The following ITIH4 variants were observed in gnomAD, a reference collection of about 807,000 sequenced individuals.
ITIH4 encodes the protein inter-alpha-trypsin inhibitor heavy chain 4, also known as inter-alpha-trypsin inhibitor heavy chain H4.
Under a neutral mutation model 111.8 loss-of-function variants are expected in ITIH4, and 79 were observed. That is an observed-to-expected ratio of 0.71 (90% CI 0.59 to 0.85). The LOEUF (loss-of-function observed/expected upper bound fraction) is 0.85, where lower values mean the gene tolerates loss of function less well. Among genes scored for constraint, ITIH4 ranks in the 40% least tolerant of loss-of-function variants. ITIH4 has a pLI of 0.00. For missense variants in ITIH4, 1,065 were observed against 1,195.8 expected, an observed-to-expected ratio of 0.89 and a Z score of 1.61; for synonymous variants, 472 against 468.3, an observed-to-expected ratio of 1.01 and a Z score of -0.10.
At chr3:52,817,558 T>C (rs1480252017) in intron 20 of ITIH4, among the ~76,000 whole-genome samples, 1 of 152,106 alleles carries the variant, frequency 6.6e-6, no homozygotes, top group African/African-American at 2.4e-5. Context: ...GTGGAGTGTG[T>C]CCCCATGTCT....
intron 15 of ITIH4, 62 bp downstream of exon 15, chr3:52,819,878 T>C (rs112166855): frequency 6.2e-7 from 1 of 1,605,164 alleles, no homozygotes; most frequent in Non-Finnish European, 8.5e-7. Flanking sequence ...GGCACTACCC[T>C]CCACAGCCAG....
chr3:52,823,770 G>C (rs766333587), intron 10 of ITIH4, 29 bp from the exon 11 acceptor site: 4 of 1,613,702 alleles, frequency 2.5e-6, no homozygotes, highest in Non-Finnish European at 3.4e-6. Context: ...CATAAAGGCT[G>C]GGCTTTATGA....
Position 52,824,491 on chromosome 3 carries a change from T to C in ITIH4, c.951A>G (p.Thr317=). 3 of 1,614,172 alleles carry C rather than the reference T, an allele frequency of 1.9e-6. No individual in the cohort carries two copies. Among genetic ancestry groups the C allele is most frequent in the Non-Finnish European group, 2.5e-6 (3 of 1,180,038 alleles). Reference sequence around the variant, plus strand: ...GTGATGGCCTCCACTGAGTTGCTTCTGTACTGAAGACGATGAGGTTGAACT... The same window carrying C: ...GTGATGGCCTCCACTGAGTTGCTTCCGTACTGAAGACGATGAGGTTGAACT... ...RDQFNLIVFS[T]EATQWRPSLV... is the part of the protein sequence containing the mutation. The change falls in exon 8 of 24, where the codon ACA becomes ACG. Residue 317 remains threonine (T), a synonymous_variant. Coordinates refer to ENST00000266041, the MANE Select transcript of ITIH4 (RefSeq NM_002218.5). This position sits in a 1 kb window ranked among gnomAD's most constrained non-coding sequence, Gnocchi z 4.3.
rs771808728 is a variant in ITIH4 at position 52,823,867 on chromosome 3, C to A, written c.1309G>T (p.Ala437Ser). The change falls in exon 10 of 24, where the codon GCC becomes TCC. Residue 437 changes from alanine (A) to serine (S), a missense_variant. Transcript: ENST00000266041. ...TCTGAGTCCTCATGGATGCGCCGGGCCAGGCCGCCATTGTCCAGTGCCAGC... is the reference window on the plus strand; with the variant it reads ...TCTGAGTCCTCATGGATGCGCCGGGACAGGCCGCCATTGTCCAGTGCCAGC... ...EKLALDNGGL[A>S]RRIHEDSDSA... 4 of 1,613,788 alleles carry A rather than the reference C, an allele frequency of 2.5e-6. No individual in the cohort carries two copies. In the South Asian group the frequency reaches 4.4e-5, roughly 18 times the overall value.
At chr3:52,828,924 G>A (rs551698563) in intron 2 of ITIH4, among the ~76,000 whole-genome samples, 195 bp downstream of exon 2, 6 of 152,298 alleles carry the variant, frequency 3.9e-5, no homozygotes, top group African/African-American at 1.4e-4. Flanking sequence ...GCTGGATGGA[G>A]GGAAGGACGG....
chr3:52,822,935 G>A (rs1369705394), intron 11 of ITIH4, among the ~76,000 whole-genome samples: 1 of 152,098 alleles, frequency 6.6e-6, no homozygotes, highest in Non-Finnish European at 1.5e-5. Flanking sequence ...CTGCTCTCCT[G>A]AGTCCAGGGT....
chr3:52,813,234 C>T lies in ITIH4; in HGVS notation c.*187G>A, dbSNP rs556649439. The T allele has an allele frequency of 9.5e-4, 583 of 611,892 alleles. No homozygotes were observed. Among genetic ancestry groups the T allele is most frequent in the Middle Eastern group, 4.1e-3 (9 of 2,222 alleles). 37.9% of individuals were successfully genotyped at this position (611,892 alleles called of 1,614,324 possible). A position where few individuals can be genotyped will look rare whatever the true frequency, so the allele number is the denominator to read the frequency against. On this transcript the variant is annotated 3_prime_UTR_variant, in exon 24 of 24. Coordinates refer to ENST00000266041, the MANE Select transcript of ITIH4 (RefSeq NM_002218.5). ...TTCCACGATGCTAAGGTTCAGGATGCGAGGTTGAGGCCCTAGGATTTGGCC... is the reference window on the plus strand; with the variant it reads ...TTCCACGATGCTAAGGTTCAGGATGTGAGGTTGAGGCCCTAGGATTTGGCC...
intron 4 of ITIH4, 60 bp downstream of exon 4, chr3:52,826,731 C>G: frequency 6.2e-7 from 1 of 1,609,338 alleles, no homozygotes; most frequent in Non-Finnish European, 8.5e-7. Flanking sequence ...AAAGAGGGGC[C>G]GCCCTCAGCA....
Position 52,823,985 on chromosome 3 carries a change from G to A in ITIH4, c.1191C>T (p.Ser397=). ...DPTVGETNPR[S]IQNNVREAVS... The stretch of plus-strand genomic sequence containing the variant: ...CAGCTTCCCGCACGTTATTCTGGAT[G>A]CTCCTGGGGTTAGTCTCCCCTGGAC... Residue 397 remains serine (S), a synonymous_variant, in exon 10 of 24, where the codon AGC becomes AGT. Transcript: ENST00000266041. 1 of 1,571,708 alleles carries A rather than the reference G, an allele frequency of 6.4e-7. No homozygotes were observed. The highest frequency in any genetic ancestry group is 8.6e-7 in the Non-Finnish European group (1 of 1,160,312).
Position 52,825,429 on chromosome 3 carries a change from T to TG in ITIH4, c.759+456dup, listed in dbSNP as rs1475830974. The stretch of plus-strand genomic sequence containing the variant: ...CCAGCCTGGGCAACCTTGTCTCTAC[T>TG]GGAAAAAAAAAAAAAAAAATTAGCC... On this transcript the variant is annotated intron_variant, in intron 6 of 23. Transcript: ENST00000266041. The TG allele has an allele frequency of 1.2e-3, 133 of 112,544 alleles. 1 individual carries two copies. Among genetic ancestry groups the TG allele is most frequent in the Non-Finnish European group, 1.5e-3 (88 of 57,594 alleles). The allele number at this position is 112,544 out of a possible 1,614,324, so 7.0% of individuals were successfully genotyped here. A position where few individuals can be genotyped will look rare whatever the true frequency, so the allele number is the denominator to read the frequency against.
intron 13 of ITIH4, 128 bp from the exon 14 acceptor site, chr3:52,820,445 G>C: frequency 8.3e-7 from 1 of 1,202,386 alleles, no homozygotes; most frequent in Non-Finnish European, 1.2e-6. Context: ...TATATCGTAG[G>C]TGCAATGAAT....
rs759224523 is a variant in ITIH4 at position 52,824,496 on chromosome 3, T to A, written c.946A>T (p.Ser316Cys). ...PRDQFNLIVFSTEATQWRPSL... is the reference protein window; with the variant it reads ...PRDQFNLIVFCTEATQWRPSL... ...GGCCTCCACTGAGTTGCTTCTGTACTGAAGACGATGAGGTTGAACTGGTCT... is the reference window on the plus strand; with the variant it reads ...GGCCTCCACTGAGTTGCTTCTGTACAGAAGACGATGAGGTTGAACTGGTCT... Residue 316 changes from serine (S) to cysteine (C), a missense_variant, in exon 8 of 24, where the codon AGT becomes TGT. Coordinates refer to ENST00000266041, the MANE Select transcript of ITIH4 (RefSeq NM_002218.5). This position sits in a 1 kb window ranked among gnomAD's most constrained non-coding sequence, Gnocchi z 4.3. 1.2e-6 allele frequency: 2 copies of A among 1,614,160 alleles called. No individual in the cohort carries two copies. The highest frequency in any genetic ancestry group is 1.7e-6 in the Non-Finnish European group (2 of 1,180,030).
intron 16 of ITIH4, 24 bp from the exon 17 acceptor site, chr3:52,819,542 G>A (rs199776932): frequency 1.1e-4 from 171 of 1,613,866 alleles, no homozygotes; most frequent in Non-Finnish European, 1.3e-4. Flanking sequence ...GACAGATGCA[G>A]TCTTCTCTCA....
chr3:52,828,462 C>T (rs1004884641), intron 2 of ITIH4, among the ~76,000 whole-genome samples: 4 of 152,346 alleles, frequency 2.6e-5, no homozygotes, highest in South Asian at 4.1e-4. Flanking sequence ...GCCCCACCAT[C>T]GCCCTGTTTC....
chr3:52,829,311 G>A, intron 1 of ITIH4, 32 bp from the exon 2 acceptor site: 1 of 1,583,154 alleles, frequency 6.3e-7, no homozygotes, highest in Non-Finnish European at 8.6e-7. Flanking sequence ...GGGTTGCAGG[G>A]TTTCAATGCC....
Position 52,820,311 on chromosome 3 carries a change from C to G in ITIH4, c.1841G>C (p.Arg614Thr), listed in dbSNP as rs1420222582. 1 of 1,613,938 alleles carries G rather than the reference C, an allele frequency of 6.2e-7. No individual in the cohort carries two copies. The highest frequency in any genetic ancestry group is 2.2e-5 in the East Asian group (1 of 44,882). Residue 614 changes from arginine to threonine, a missense_variant, in exon 14 of 24, where the codon AGA becomes ACA. By Grantham distance (71) the Arg-to-Thr change is moderately conservative. Transcript: ENST00000266041. ...CTTACCTGAGTGGACATTCCTGTTT[C>G]TACTTTCTGGATAAAACAAAGAGAG... ...VAEKPMEGESRNRNVHSGSTF... is the reference protein window; with the variant it reads ...VAEKPMEGESTNRNVHSGSTF...
intron 2 of ITIH4, among the ~76,000 whole-genome samples, chr3:52,828,160 C>A (rs1700514803): frequency 6.6e-6 from 1 of 152,230 alleles, no homozygotes; most frequent in African/African-American, 2.4e-5. Context: ...GCTCCCCTAA[C>A]TCATGCAGCA....
Position 52,824,936 on chromosome 3 carries a change from T to C in ITIH4, c.782A>G (p.His261Arg). Residue 261 changes from histidine (H) to arginine (R), a missense_variant, in exon 7 of 24, where the codon CAC (histidine) becomes CGC (arginine). By Grantham distance (29) the His-to-Arg change is conservative (BLOSUM62 0). Coordinates refer to ENST00000266041, the MANE Select transcript of ITIH4 (RefSeq NM_002218.5). This position sits in a 1 kb window ranked among gnomAD's most constrained non-coding sequence, Gnocchi z 4.3. ...GGTTAGGCCCTCGGGGGCAAAGTAG[T>C]GTACAAAGTAGCCGTTCTCGATCTG... ...SIQIENGYFV[H>R]YFAPEGLTTM... 2 of 1,612,864 alleles carry C rather than the reference T, an allele frequency of 1.2e-6. No homozygotes were observed. The highest frequency in any genetic ancestry group is 1.7e-6 in the Non-Finnish European group (2 of 1,179,230).
Position 52,813,297 on chromosome 3 carries a change from C to A in ITIH4, c.*124G>T. ...AGACACCCACTTCCCAGGCTCACAC[C>A]ACCTTTCTTTATTTGTAATGAGTGG... On this transcript the variant is annotated 3_prime_UTR_variant, in exon 24 of 24. Coordinates refer to ENST00000266041, the MANE Select transcript of ITIH4 (RefSeq NM_002218.5). The A allele has an allele frequency of 2.3e-6, 2 of 886,930 alleles. No homozygotes were observed. The highest frequency in any genetic ancestry group is 2.8e-4 in the Middle Eastern group (1 of 3,570). The allele number at this position is 886,930 out of a possible 1,614,324, so 54.9% of individuals were successfully genotyped here.
Sources: gnomAD v4.1 joint callset for allele counts (sites outside exome capture counted in the v4.1 genomes callset) on GRCh38, gnomAD v4.1.1 for gene constraint, Gnocchi (gnomAD v3.1) non-coding constraint, MANE v1.5 for transcripts, NCBI Gene and HGNC (gene_info 2026-07-23, HGNC 2026-07-21) for gene names.